The following CCDC158 variants were observed in gnomAD, a reference collection of about 807,000 sequenced individuals.
CCDC158 encodes coiled-coil domain containing 158, also known as coiled-coil domain-containing protein 158.
In CCDC158, 116 loss-of-function variants were observed where a neutral mutation model predicts 138.6. The observed-to-expected ratio is 0.84, with a 90% CI of 0.72 to 0.98. The LOEUF (loss-of-function observed/expected upper bound fraction) is 0.98. Among genes scored for constraint, CCDC158 ranks in the 50% least tolerant of loss-of-function variants. The pLI is 0.00. For missense variants in CCDC158, 1,265 were observed against 1,306.1 expected, an observed-to-expected ratio of 0.97 and a Z score of 0.48; for synonymous variants, 436 against 442.4, an observed-to-expected ratio of 0.99 and a Z score of 0.18.
At chr4:76,333,392 C>A (rs1721177065) in intron 19 of CCDC158, among the ~76,000 whole-genome samples, 1 of 151,962 alleles carries the variant, frequency 6.6e-6, no homozygotes, top group Non-Finnish European at 1.5e-5. Flanking sequence ...TAAATGATAA[C>A]ACAAAAAAGT....
At chr4:76,380,980 A>G (rs927960459) in intron 8 of CCDC158, among the ~76,000 whole-genome samples, 1 of 152,210 alleles carries the variant, frequency 6.6e-6, no homozygotes, top group Non-Finnish European at 1.5e-5. Flanking sequence ...TGTGGTGTTG[A>G]GCCTGGAGGT....
chr4:76,419,098 T>C (rs1729916529), intron 1 of CCDC158, among the ~76,000 whole-genome samples: 1 of 152,224 alleles, frequency 6.6e-6, no homozygotes, highest in South Asian at 2.1e-4. Context: ...ACAAAGCCTT[T>C]GCCACTTTTT....
intron 24 of CCDC158, among the ~76,000 whole-genome samples, chr4:76,315,200 T>C (rs1051045787): frequency 6.6e-6 from 1 of 152,090 alleles, no homozygotes; most frequent in African/African-American, 2.4e-5. Context: ...AAATCACCTC[T>C]GGAACATAAC....
chr4:76,396,556 G>A, intron 3 of CCDC158, 70 bp from the exon 4 acceptor site: 1 of 1,185,310 alleles, frequency 8.4e-7, no homozygotes, highest in South Asian at 1.5e-5. Context: ...TTATTGCCCA[G>A]GCTGGAGTGC....
chr4:76,347,332 T>C (rs1279470848), intron 18 of CCDC158, among the ~76,000 whole-genome samples: 2 of 152,114 alleles, frequency 1.3e-5, no homozygotes, highest in Non-Finnish European at 2.9e-5. Context: ...TTATCCAGTC[T>C]ATCCAGGCAC....
At chr4:76,414,490 A>G (rs374591406) in intron 1 of CCDC158, 30 of 152,328 alleles carry the variant, frequency 2.0e-4, no homozygotes, top group African/African-American at 7.0e-4. Flanking sequence ...CAAGTACAAT[A>G]AAGAAAATAA....
rs528742813 is a variant in CCDC158 at position 76,333,648 on chromosome 4, C to T, written c.2822+362G>A. Among the ~76,000 whole-genome samples, 83 of 152,220 alleles carry T rather than the reference C, an allele frequency of 5.5e-4. 1 individual carries two copies. The highest frequency in any genetic ancestry group is 1.9e-3 in the Admixed American group (29 of 15,286). On this transcript the variant is annotated intron_variant, in intron 19 of 24. Transcript: ENST00000682701. The stretch of plus-strand genomic sequence containing the variant: ...ATTGAACTTGTGGCTGCAGACACGT[C>T]GACCTTTTGAGATGTGTTTTTCTCA...
At chr4:76,361,830 C>G (rs920986168) in intron 13 of CCDC158, among the ~76,000 whole-genome samples, 8 of 152,162 alleles carry the variant, frequency 5.3e-5, no homozygotes, top group African/African-American at 1.9e-4. Flanking sequence ...ATGTGAACAC[C>G]TGTTTTCCTT....
At chr4:76,329,380 T>C (rs1226388190) in intron 21 of CCDC158, among the ~76,000 whole-genome samples, 1 of 151,954 alleles carries the variant, frequency 6.6e-6, no homozygotes, top group Non-Finnish European at 1.5e-5. Context: ...GGTCAAGAGA[T>C]AGAGACCATT....
At chr4:76,314,058 T>C (rs150891617) in intron 24 of CCDC158, among the ~76,000 whole-genome samples, 162 of 152,356 alleles carry the variant, frequency 1.1e-3, no homozygotes, top group Non-Finnish European at 2.0e-3. Context: ...TGTACAATCA[T>C]TTCTTATAGA....
chr4:76,416,465 C>T (rs941820909), intron 1 of CCDC158, among the ~76,000 whole-genome samples: 1 of 152,210 alleles, frequency 6.6e-6, no homozygotes, highest in Non-Finnish European at 1.5e-5. Flanking sequence ...TAATGTTAAT[C>T]CCCAAGACCA....
At chr4:76,366,352 C>A (rs907449) in intron 12 of CCDC158, among the ~76,000 whole-genome samples, 4,468 of 152,202 alleles carry the variant, frequency 0.029, 217 homozygotes, top group African/African-American at 0.1. Flanking sequence ...CTATTGCTGG[C>A]CCTATTTTTA....
chr4:76,328,519 A>G (rs1380475982), intron 22 of CCDC158, among the ~76,000 whole-genome samples: 1 of 152,220 alleles, frequency 6.6e-6, no homozygotes, highest in African/African-American at 2.4e-5. Flanking sequence ...CCTAGGCTCA[A>G]GCAATCCACT....
intron 18 of CCDC158, among the ~76,000 whole-genome samples, chr4:76,350,688 T>A (rs528276365): frequency 3.9e-5 from 6 of 152,306 alleles, no homozygotes; most frequent in Admixed American, 3.9e-4. Flanking sequence ...CTATTAAATA[T>A]ACCACCAACT....
At chr4:76,316,718 C>A (rs1292390733) in intron 24 of CCDC158, among the ~76,000 whole-genome samples, 3 of 151,992 alleles carry the variant, frequency 2.0e-5, no homozygotes, top group Non-Finnish European at 2.9e-5. Flanking sequence ...GTAAAAGTAT[C>A]AGGTAAGCTA....
intron 9 of CCDC158, among the ~76,000 whole-genome samples, chr4:76,376,572 C>A (rs1299601363): frequency 6.6e-6 from 1 of 151,912 alleles, no homozygotes; most frequent in Non-Finnish European, 1.5e-5. Context: ...ATATTCAATT[C>A]ATTATAACAA....
At chr4:76,315,326 C>G (rs1003770804) in intron 24 of CCDC158, among the ~76,000 whole-genome samples, 1 of 152,100 alleles carries the variant, frequency 6.6e-6, no homozygotes. Flanking sequence ...TATTTTTTTC[C>G]CTGCCCTGGT....
chr4:76,409,571 C>T (rs1202147650), intron 2 of CCDC158, among the ~76,000 whole-genome samples: 6 of 152,158 alleles, frequency 3.9e-5, no homozygotes, highest in African/African-American at 1.2e-4. Flanking sequence ...GTGGCTTACA[C>T]CTGTAATCCC....
chr4:76,395,209 A>G (rs1189267838), intron 4 of CCDC158, among the ~76,000 whole-genome samples: 1 of 152,168 alleles, frequency 6.6e-6, no homozygotes, highest in Non-Finnish European at 1.5e-5. Flanking sequence ...TCATTAGTGT[A>G]TTTATCATAG....
Sources: gnomAD v4.1 joint callset for allele counts (sites outside exome capture counted in the v4.1 genomes callset) on GRCh38, gnomAD v4.1.1 for gene constraint, MANE v1.5 for transcripts, NCBI Gene and HGNC (gene_info 2026-07-23, HGNC 2026-07-21) for gene names.